Variants in DPYD observed in about 807,000 individuals in gnomAD.
DPYD encodes dihydropyrimidine dehydrogenase.
A neutral mutation model predicts 116.2 loss-of-function variants in DPYD; 109 were observed. The ratio of observed to expected loss-of-function variants is 0.94; its 90% CI spans 0.80 to 1.10. DPYD has a LOEUF of 1.10. Among genes scored for constraint, DPYD ranks in the 50% least tolerant of loss-of-function variants. DPYD has a pLI of 0.00. For synonymous variants in DPYD, 440 were observed against 432.0 expected, an observed-to-expected ratio of 1.02 and a Z score of -0.23; for missense variants, 1,302 against 1,254.5, an observed-to-expected ratio of 1.04 and a Z score of -0.57.
At chr1:97,533,948 C>T (rs1002385050) in intron 12 of DPYD, among the ~76,000 whole-genome samples, 1 of 152,140 alleles carries the variant, frequency 6.6e-6, no homozygotes, top group African/African-American at 2.4e-5. Context: ...CCCATGGTAA[C>T]TCTACCCCAC....
At chr1:97,450,414 G>T (rs1676349181) in intron 13 of DPYD, among the ~76,000 whole-genome samples, 191 bp from the exon 14 acceptor site, 1 of 152,056 alleles carries the variant, frequency 6.6e-6, no homozygotes, top group Non-Finnish European at 1.5e-5. Context: ...TAAAGTATTT[G>T]TTAGCTTTAG....
At chr1:97,683,516 A>G (rs977042693) in intron 7 of DPYD, among the ~76,000 whole-genome samples, 2 of 152,060 alleles carry the variant, frequency 1.3e-5, no homozygotes, top group Admixed American at 6.5e-5. Context: ...ACAAATATAC[A>G]TATTTTAAAT....
chr1:97,605,504 C>G (rs1178122023), intron 8 of DPYD, among the ~76,000 whole-genome samples: 1 of 152,096 alleles, frequency 6.6e-6, no homozygotes, highest in Non-Finnish European at 1.5e-5. Flanking sequence ...CCTTTGCCTT[C>G]TGCCATACTG....
chr1:97,190,022 C>A (rs909832427), intron 20 of DPYD, among the ~76,000 whole-genome samples: 1 of 152,122 alleles, frequency 6.6e-6, no homozygotes, highest in Admixed American at 6.5e-5. Context: ...TTTCATTGTA[C>A]AGTTTTATAA....
intron 20 of DPYD, among the ~76,000 whole-genome samples, chr1:97,104,132 T>A (rs768346477): frequency 2.0e-5 from 3 of 152,132 alleles, no homozygotes; most frequent in African/African-American, 7.2e-5. Context: ...TATGTGTCCA[T>A]CTGCCCAGCT....
intron 13 of DPYD, among the ~76,000 whole-genome samples, chr1:97,511,165 T>C (rs1048296467): frequency 2.0e-5 from 3 of 151,986 alleles, no homozygotes; most frequent in East Asian, 1.9e-4. Context: ...AATAGATAAC[T>C]GTTGTCTTAA....
intron 20 of DPYD, among the ~76,000 whole-genome samples, chr1:97,111,138 C>T (rs1651563605): frequency 6.6e-6 from 1 of 152,050 alleles, no homozygotes; most frequent in African/African-American, 2.4e-5. Flanking sequence ...GGCTCTAGTC[C>T]AAGGCTCAAT....
chr1:97,137,294 G>C (rs574408308), intron 20 of DPYD, among the ~76,000 whole-genome samples: 2 of 152,176 alleles, frequency 1.3e-5, no homozygotes, highest in Non-Finnish European at 2.9e-5. Context: ...CATCTGCCTC[G>C]GAGAGACTGA....
intron 12 of DPYD, among the ~76,000 whole-genome samples, chr1:97,544,008 G>C (rs985316823): frequency 4.6e-5 from 7 of 152,150 alleles, no homozygotes; most frequent in Non-Finnish European, 8.8e-5. Context: ...TGGTATGCTT[G>C]GGGACATTCA....
At chr1:97,156,523 C>A (rs938334731) in intron 20 of DPYD, among the ~76,000 whole-genome samples, 1 of 152,088 alleles carries the variant, frequency 6.6e-6, no homozygotes, top group African/African-American at 2.4e-5. Context: ...AAAATGCTCA[C>A]CATCACTGGC....
At chr1:97,527,900 T>C (rs1649273613) in intron 12 of DPYD, among the ~76,000 whole-genome samples, 1 of 152,008 alleles carries the variant, frequency 6.6e-6, no homozygotes, top group African/African-American at 2.4e-5. Flanking sequence ...CTATGTTCCA[T>C]GCAATTCAAA....
intron 3 of DPYD, among the ~76,000 whole-genome samples, chr1:97,819,901 C>T (rs1266292560): frequency 1.3e-5 from 2 of 152,050 alleles, no homozygotes; most frequent in African/African-American, 4.8e-5. Context: ...CATACATATA[C>T]ACACATGTAA....
chr1:97,904,381 C>T (rs1673506113), intron 1 of DPYD, among the ~76,000 whole-genome samples: 1 of 151,866 alleles, frequency 6.6e-6, no homozygotes, highest in Non-Finnish European at 1.5e-5. Context: ...AATATACCTT[C>T]CCAAAATATG....
chr1:97,264,042 G>A (rs1325174468), intron 18 of DPYD, among the ~76,000 whole-genome samples: 2 of 150,480 alleles, frequency 1.3e-5, no homozygotes, highest in African/African-American at 2.4e-5. Flanking sequence ...GATAAAATCA[G>A]ATCAATGCTG....
chr1:97,823,423 T>C (rs1669065976), intron 3 of DPYD, among the ~76,000 whole-genome samples: 1 of 152,178 alleles, frequency 6.6e-6, no homozygotes, highest in African/African-American at 2.4e-5. Context: ...TTTTAAAGTA[T>C]ACAATATATT....
intron 8 of DPYD, among the ~76,000 whole-genome samples, chr1:97,622,897 A>C (rs1200645890): frequency 1.3e-5 from 2 of 152,058 alleles, no homozygotes; most frequent in Non-Finnish European, 2.9e-5. Context: ...GAATCAGGAA[A>C]TAGTTTCATG....
intron 2 of DPYD, among the ~76,000 whole-genome samples, chr1:97,868,489 A>G (rs967210990): frequency 6.6e-6 from 1 of 151,884 alleles, no homozygotes; most frequent in South Asian, 2.1e-4. Context: ...ATATTTAGGT[A>G]AAACTAAAAT....
At chr1:97,662,172 T>C (rs1374212239) in intron 8 of DPYD, among the ~76,000 whole-genome samples, 1 of 151,160 alleles carries the variant, frequency 6.6e-6, no homozygotes, top group Non-Finnish European at 1.5e-5. Flanking sequence ...GGCTAATTTT[T>C]TGTATTTTTA....
chr1:97,723,028 C>CA (rs1663009396), intron 4 of DPYD, among the ~76,000 whole-genome samples: 1 of 151,056 alleles, frequency 6.6e-6, no homozygotes, highest in African/African-American at 2.4e-5. Flanking sequence ...AAAGAAAAGA[C>CA]AAAAAAAGAA....
Sources: gnomAD v4.1 joint callset for allele counts (sites outside exome capture counted in the v4.1 genomes callset) on GRCh38, gnomAD v4.1.1 for gene constraint, MANE v1.5 for transcripts, NCBI Gene and HGNC (gene_info 2026-07-23, HGNC 2026-07-21) for gene names.